The following KCNIP4 variants were observed in gnomAD, a reference collection of about 807,000 sequenced individuals.
The protein encoded by KCNIP4 is Kv channel-interacting protein 4.
Under a neutral mutation model 34.0 loss-of-function variants are expected in KCNIP4, and 12 were observed. That is an observed-to-expected ratio of 0.35 (90% CI 0.23 to 0.57). KCNIP4 has a LOEUF of 0.57. Among genes scored for constraint, KCNIP4 ranks in the 20% least tolerant of loss-of-function variants. KCNIP4 has a pLI of 0.83. For missense variants in KCNIP4, 238 were observed against 311.7 expected (o/e 0.76, Z 1.78); for synonymous variants, 124 against 102.2 (o/e 1.21, Z -1.29).
At chr4:20,739,225 G>A (rs1389808355) in intron 5 of KCNIP4, among the ~76,000 whole-genome samples, 2 of 152,228 alleles carry the variant, frequency 1.3e-5, no homozygotes, top group East Asian at 3.9e-4. Context: ...TGACAGCTTT[G>A]AAGAGAGTAG....
intron 1 of KCNIP4, among the ~76,000 whole-genome samples, chr4:21,630,055 G>C (rs1368202708): frequency 6.7e-6 from 1 of 148,648 alleles, no homozygotes; most frequent in African/African-American, 2.5e-5. Context: ...GTAGAGACGA[G>C]GTCTAGCTAT....
chr4:21,353,959 A>G (rs1466946184), intron 1 of KCNIP4, among the ~76,000 whole-genome samples: 3 of 152,216 alleles, frequency 2.0e-5, no homozygotes, highest in African/African-American at 7.2e-5. Context: ...CTTGGCAGAA[A>G]CCCTACAACC....
intron 1 of KCNIP4, among the ~76,000 whole-genome samples, chr4:20,888,230 G>GTA (rs918935423): frequency 1.3e-5 from 2 of 152,068 alleles, no homozygotes; most frequent in African/African-American, 4.8e-5. Flanking sequence ...GATAGTAAAT[G>GTA]TATACCCCAC....
chr4:21,432,996 C>T (rs1560400461), intron 1 of KCNIP4, among the ~76,000 whole-genome samples: 2 of 152,050 alleles, frequency 1.3e-5, no homozygotes, highest in Non-Finnish European at 2.9e-5. Context: ...ATCTCTAGAT[C>T]GAAGGATCAG....
At chr4:21,000,352 G>A (rs1457919404) in intron 1 of KCNIP4, among the ~76,000 whole-genome samples, 1 of 151,886 alleles carries the variant, frequency 6.6e-6, no homozygotes, top group Non-Finnish European at 1.5e-5. Flanking sequence ...ATCAAGTCAT[G>A]TGACTCCTCT....
At chr4:21,006,835 C>T (rs1738605541) in intron 1 of KCNIP4, among the ~76,000 whole-genome samples, 1 of 152,078 alleles carries the variant, frequency 6.6e-6, no homozygotes, top group Non-Finnish European at 1.5e-5. Context: ...CATGGCGGAC[C>T]TAACTTGGGG....
chr4:21,615,256 T>C (rs1400781448), intron 1 of KCNIP4, among the ~76,000 whole-genome samples: 1 of 152,094 alleles, frequency 6.6e-6, no homozygotes, highest in African/African-American at 2.4e-5. Flanking sequence ...ATACATCATA[T>C]AGGGCCGGGC....
intron 1 of KCNIP4, among the ~76,000 whole-genome samples, chr4:21,202,958 C>G (rs1045330259): frequency 2.0e-5 from 3 of 152,218 alleles, no homozygotes; most frequent in Non-Finnish European, 4.4e-5. Context: ...CAGTCCTGCA[C>G]TGTAAAGATC....
At chr4:21,528,759 GAAA>G (rs1560490029) in intron 1 of KCNIP4, among the ~76,000 whole-genome samples, 14 of 9,676 alleles carry the variant, frequency 1.4e-3, no homozygotes, top group Admixed American at 2.4e-3. Flanking sequence ...AAGAAAGAAA[GAAA>G]GAAAGAAAGA....
chr4:21,920,013 T>A (rs1321229848), intron 1 of KCNIP4, among the ~76,000 whole-genome samples: 1 of 152,188 alleles, frequency 6.6e-6, no homozygotes, highest in East Asian at 1.9e-4. Flanking sequence ...AGACACATAT[T>A]TGAAGAACAG....
At chr4:21,019,401 G>T (rs10024149) in intron 1 of KCNIP4, among the ~76,000 whole-genome samples, 3,708 of 152,200 alleles carry the variant, frequency 0.024, 146 homozygotes, top group African/African-American at 0.084. Context: ...CAGGTAATCT[G>T]CCTGACTCTG....
At position 20,963,076 on chromosome 4, in the gene KCNIP4, C is replaced by T. The variant is rs150354040; in HGVS notation, c.62-80367G>A. Among the ~76,000 whole-genome samples, 45 of 152,150 alleles carry T rather than the reference C, an allele frequency of 3.0e-4. No homozygotes were observed. In the East Asian group the frequency reaches 7.7e-3, roughly 26 times the overall value. On this transcript the variant is annotated intron_variant, in intron 1 of 8. Coordinates refer to ENST00000382152, the MANE Select transcript of KCNIP4 (RefSeq NM_025221.6). ...GTGGCTCACATCTGTAATCCCAGCA[C>T]TTTGGGAGGCGAGGCAGGCAGATCA...
chr4:21,653,945 C>G (rs1254939633), intron 1 of KCNIP4, among the ~76,000 whole-genome samples: 1 of 152,088 alleles, frequency 6.6e-6, no homozygotes, highest in African/African-American at 2.4e-5. Flanking sequence ...TGAAGAAGTC[C>G]TCATTTAGGA....
At chr4:21,784,753 TC>T in intron 1 of KCNIP4, among the ~76,000 whole-genome samples, 1 of 152,334 alleles carries the variant, frequency 6.6e-6, no homozygotes, top group African/African-American at 2.4e-5. Context: ...AGAGTACACC[TC>T]CTGGCTCCTT....
At position 21,321,283 on chromosome 4, in the gene KCNIP4, A is replaced by T. The variant is rs563064934; in HGVS notation, c.62-438574T>A. Among the ~76,000 whole-genome samples, 26 of 152,304 alleles carry T rather than the reference A, an allele frequency of 1.7e-4. No homozygotes were observed. The South Asian group carries it at 5.2e-3, about 30-fold the overall frequency. ...GAGGCACTTCCATTCCAGAAAGACA[A>T]AGACAAATTAAAAACCATTTAGAGA... On this transcript the variant is annotated intron_variant, in intron 1 of 8. Transcript: ENST00000382152.
At chr4:21,755,818 C>G (rs182590977) in intron 1 of KCNIP4, among the ~76,000 whole-genome samples, 3 of 152,292 alleles carry the variant, frequency 2.0e-5, no homozygotes, top group Non-Finnish European at 4.4e-5. Context: ...GACTGATGTT[C>G]TAGCTCAGAT....
intron 1 of KCNIP4, among the ~76,000 whole-genome samples, chr4:21,247,763 C>CA (rs1560212671): frequency 1.0e-4 from 6 of 57,286 alleles, no homozygotes; most frequent in African/African-American, 4.6e-4. Context: ...TATATATACA[C>CA]CCCACAGGTG....
chr4:21,321,514 G>C (rs1714412510), intron 1 of KCNIP4, among the ~76,000 whole-genome samples: 1 of 151,958 alleles, frequency 6.6e-6, no homozygotes, highest in Admixed American at 6.6e-5. Context: ...ATATTAAATG[G>C]GTAGACAATA....
intron 1 of KCNIP4, among the ~76,000 whole-genome samples, chr4:21,038,191 G>A (rs1038269009): frequency 6.6e-6 from 1 of 151,928 alleles, no homozygotes; most frequent in African/African-American, 2.4e-5. Context: ...TTGGCCAGAT[G>A]GTCTCGATCT....
Sources: allele counts gnomAD v4.1 joint callset (sites outside exome capture counted in the v4.1 genomes callset), GRCh38; gene constraint gnomAD v4.1.1; transcripts MANE v1.5; gene names NCBI Gene and HGNC (gene_info 2026-07-23, HGNC 2026-07-21).